Variants in LAMB4 observed in about 807,000 individuals in gnomAD.
The protein encoded by LAMB4 is laminin subunit beta 4, also known as laminin subunit beta-4.
Under a neutral mutation model 199.2 loss-of-function variants are expected in LAMB4, and 196 were observed. The ratio of observed to expected loss-of-function variants is 0.98; its 90% CI spans 0.88 to 1.11. The LOEUF is 1.11. LAMB4 is among the 50% of genes least tolerant of loss of function. The pLI is 0.00. For synonymous variants in LAMB4, 744 were observed against 770.6 expected (o/e 0.97, Z 0.57); for missense variants, 2,080 against 2,171.2 (o/e 0.96, Z 0.83).
Position 108,062,824 on chromosome 7 carries a change from G to A in LAMB4, c.3232C>T (p.Gln1078Ter). Residue 1078 changes from glutamine to a stop codon, truncating the protein, a stop_gained, in exon 23 of 34, where the codon CAG (glutamine) becomes TAG (stop). Transcript: ENST00000388781. LOFTEE classifies it high-confidence loss of function. The stretch of plus-strand genomic sequence containing the variant: ...GTCCTAGGGTCACAGTCACATGACT[G>A]ACATCCTCTGCCAGGGACCAGATTC... ...YWNLVPGRGCQSCDCDPRTSQ... is the reference protein window; with the variant it reads ...YWNLVPGRGC The A allele has an allele frequency of 6.5e-7, 1 of 1,547,574 alleles. No homozygotes were observed. Among genetic ancestry groups the A allele is most frequent in the Non-Finnish European group, 8.7e-7 (1 of 1,148,412 alleles).
intron 14 of LAMB4, among the ~76,000 whole-genome samples, 194 bp downstream of exon 14, chr7:108,091,432 A>T (rs990459767): frequency 3.8e-4 from 58 of 152,238 alleles, no homozygotes; most frequent in African/African-American, 1.3e-3. Flanking sequence ...GGATACAAAG[A>T]TGAACTAAAC....
rs2037403892 is a variant in LAMB4 at position 108,091,588 on chromosome 7, C to T, written c.1701+38G>A. On this transcript the variant is annotated intron_variant, in intron 14 of 33. Coordinates refer to ENST00000388781, the MANE Select transcript of LAMB4 (RefSeq NM_007356.3). ...CTCTGTGTGTTTACTGACATATCAT[C>T]AAACACAGTCTGTAGGGAAAGTAAA... The T allele has an allele frequency of 1.9e-6, 3 of 1,592,158 alleles. No individual in the cohort carries two copies. The South Asian group carries it at 3.4e-5, about 18-fold the overall frequency.
At chr7:108,059,252 C>T (rs2036084139) in intron 23 of LAMB4, among the ~76,000 whole-genome samples, 1 of 151,920 alleles carries the variant, frequency 6.6e-6, no homozygotes, top group Non-Finnish European at 1.5e-5. Flanking sequence ...ACTACAGGCA[C>T]CCACCACCAT....
chr7:108,045,050 A>G (rs1223120377), intron 28 of LAMB4, among the ~76,000 whole-genome samples: 1 of 152,076 alleles, frequency 6.6e-6, no homozygotes, highest in Non-Finnish European at 1.5e-5. Context: ...TGAGCCATAC[A>G]GATTTTTAAG....
At chr7:108,029,978 C>T (rs1636953) in intron 32 of LAMB4, among the ~76,000 whole-genome samples, 5 of 151,974 alleles carry the variant, frequency 3.3e-5, no homozygotes, top group South Asian at 2.1e-4. Context: ...ATTAGCTGGG[C>T]GTGGTGGCAC....
chr7:108,115,909 T>C, intron 3 of LAMB4, 95 bp downstream of exon 3: 2 of 1,305,544 alleles, frequency 1.5e-6, no homozygotes, highest in Non-Finnish European at 2.1e-6. Context: ...AAGGAAGTTG[T>C]CTCCTTTAAT....
intron 15 of LAMB4, 152 bp from the exon 16 acceptor site, chr7:108,078,468 G>C: frequency 1.7e-6 from 1 of 584,862 alleles, no homozygotes; most frequent in South Asian, 2.2e-5. Flanking sequence ...GAGTCTTAGA[G>C]GTTCACTCTC....
At position 108,037,387 on chromosome 7, in the gene LAMB4, C is replaced by G. The variant is rs927799426; in HGVS notation, c.4679+1G>C. On this transcript the variant is annotated splice_donor_variant, in intron 30 of 33. Coordinates refer to ENST00000388781, the MANE Select transcript of LAMB4 (RefSeq NM_007356.3). LOFTEE classifies it high-confidence loss of function. ...GATAAGAATATTAATACAGTACTTA[C>G]TCAGCTGCTTTGGCCTTCACCAAAA... is the stretch of plus-strand genomic sequence containing the variant. 2.5e-6 allele frequency: 4 copies of G among 1,610,482 alleles called. No homozygotes were observed. The highest frequency in any genetic ancestry group is 1.3e-5 in the African/African-American group (1 of 74,846).
chr7:108,060,853 G>T (rs2036135536), intron 23 of LAMB4, among the ~76,000 whole-genome samples: 1 of 152,204 alleles, frequency 6.6e-6, no homozygotes, highest in Non-Finnish European at 1.5e-5. Flanking sequence ...TCCTCGAGGA[G>T]GAAGAGCATA....
chr7:108,042,035 G>A (rs1279712109), intron 29 of LAMB4, among the ~76,000 whole-genome samples: 1 of 151,994 alleles, frequency 6.6e-6, no homozygotes, highest in Admixed American at 6.6e-5. Context: ...TTGTTAATAA[G>A]GCATTCAGAT....
At chr7:108,021,671 T>G (rs1440028064), downstream of LAMB4, among the ~76,000 whole-genome samples, 2 of 152,008 alleles carry the variant, frequency 1.3e-5, no homozygotes, top group Non-Finnish European at 2.9e-5. Context: ...ATCACACCAT[T>G]GCACTCCAGC....
chr7:108,091,514 G>T, intron 14 of LAMB4, 112 bp downstream of exon 14: 1 of 1,238,148 alleles, frequency 8.1e-7, no homozygotes, highest in Non-Finnish European at 1.1e-6. Context: ...TGCATCTTTG[G>T]GCAAAAGCAT....
In LAMB4 at chr7:108,063,775, T is replaced by C. The variant is rs781061233; in HGVS notation, c.3047A>G (p.Asn1016Ser). ...CKPGHYGSALNQTCRRCSCHA... is the reference protein window; with the variant it reads ...CKPGHYGSALSQTCRRCSCHA... ...TGCAGACTTACTTCTGCAGGTCTGA[T>C]TGAGGGCTGATCCATAGTGACCTGG... The change falls in exon 22 of 34, where the codon AAT becomes AGT. Residue 1016 changes from asparagine to serine, a missense_variant. By Grantham distance (46) the Asn-to-Ser change is conservative. Coordinates refer to ENST00000388781, the MANE Select transcript of LAMB4 (RefSeq NM_007356.3). 1.1e-5 allele frequency: 17 copies of C among 1,613,930 alleles called. No homozygotes were observed. The South Asian group carries it at 1.8e-4, about 17-fold the overall frequency.
chr7:108,014,942 G>C, the LAMB4 span, among the ~76,000 whole-genome samples: 122 of 152,182 alleles, frequency 8.0e-4, 2 homozygotes, highest in South Asian at 1.2e-3. Flanking sequence ...GGCTGGTCTC[G>C]AACTCCTGAC....
intron 31 of LAMB4, among the ~76,000 whole-genome samples, chr7:108,032,078 T>A (rs1211814884): frequency 3.9e-5 from 6 of 152,200 alleles, no homozygotes. Flanking sequence ...GTTCATTATT[T>A]CTGATGACTC....
At chr7:108,019,739 A>G (rs1214832373), downstream of LAMB4, among the ~76,000 whole-genome samples, 3 of 152,164 alleles carry the variant, frequency 2.0e-5, no homozygotes, top group African/African-American at 7.2e-5. Context: ...AGGAAGAAGG[A>G]GTAGAATGGA....
rs1192651580 is a variant in LAMB4, at chr7:108,103,725, G to T, written c.992-493C>A. ...TTTTATCTCATCTGAGGCTAGGCCA[G>T]TGGCCTGGAGGGAAAGGCAGTCTGT... On this transcript the variant is annotated intron_variant, in intron 9 of 33. Coordinates refer to ENST00000388781, the MANE Select transcript of LAMB4 (RefSeq NM_007356.3). Among the ~76,000 whole-genome samples the T allele has an allele frequency of 2.0e-5, 3 of 152,230 alleles. No individual in the cohort carries two copies. In the South Asian group the frequency reaches 6.2e-4, roughly 31 times the overall value.
Position 108,102,970 on chromosome 7 carries a change from C to T in LAMB4, c.1180+74G>A, listed in dbSNP as rs55761838. 10,569 of 1,314,580 alleles carry T rather than the reference C, an allele frequency of 8.0e-3. 621 individuals carry two copies. In the African/African-American group the frequency reaches 0.13, roughly 17 times the overall value. The allele number at this position is 1,314,580 out of a possible 1,614,324, so 81.4% of individuals were successfully genotyped here. A position where few individuals can be genotyped will look rare whatever the true frequency, so the allele number is the denominator to read the frequency against. ...GAGATGCCGTTAAGCAGATAAGGTGCGGGCAGCCCCAGTAAGATCAAACTG... is the reference window on the plus strand; with the variant it reads ...GAGATGCCGTTAAGCAGATAAGGTGTGGGCAGCCCCAGTAAGATCAAACTG... On this transcript the variant is annotated intron_variant, in intron 10 of 33. Transcript: ENST00000388781.
intron 19 of LAMB4, among the ~76,000 whole-genome samples, chr7:108,066,842 G>C (rs1584672090): frequency 6.6e-6 from 1 of 152,132 alleles, no homozygotes; most frequent in East Asian, 1.9e-4. Flanking sequence ...TTAAAAACAA[G>C]TAACATGTTT....
Sources: allele counts gnomAD v4.1 joint callset (sites outside exome capture counted in the v4.1 genomes callset), GRCh38; gene constraint gnomAD v4.1.1; transcripts MANE v1.5; gene names NCBI Gene and HGNC (gene_info 2026-07-23, HGNC 2026-07-21).